Variants in PAX2 observed in about 807,000 individuals in gnomAD.
PAX2 encodes paired box protein Pax-2.
In PAX2, 9 loss-of-function variants were observed where a neutral mutation model predicts 41.7. That is an observed-to-expected ratio of 0.22 (90% CI 0.13 to 0.38). The LOEUF (loss-of-function observed/expected upper bound fraction) is 0.38. Among genes scored for constraint, PAX2 ranks in the 10% least tolerant of loss-of-function variants. The pLI is 1.00. For missense variants in PAX2, 418 were observed against 531.6 expected (o/e 0.79, Z 2.10); for synonymous variants, 221 against 212.7 (o/e 1.04, Z -0.34).
Position 100,781,383 on chromosome 10 carries a change from G to T in PAX2, c.616+18G>T. 3.1e-6 allele frequency: 5 copies of T among 1,613,530 alleles called. No individual in the cohort carries two copies. Among genetic ancestry groups the T allele is most frequent in the Non-Finnish European group, 4.2e-6 (5 of 1,179,460 alleles). On this transcript the variant is annotated intron_variant, in intron 5 of 9. Coordinates refer to ENST00000355243, the MANE Select transcript of PAX2 (RefSeq NM_000278.5). ...TGATGAAGGTAGGGAGGAGGGAAGA[G>T]GTGTGGCTTCCCCTTCACATGCTTT...
chr10:100,820,583 G>A (rs143066116), intron 7 of PAX2, among the ~76,000 whole-genome samples: 7 of 152,316 alleles, frequency 4.6e-5, no homozygotes, highest in Non-Finnish European at 5.9e-5. Context: ...GACGGGCATG[G>A]TGGCACACAA....
Position 100,745,880 on chromosome 10 carries a change from G to A in PAX2, c.-381G>A, listed in dbSNP as rs1845144495. On this transcript the variant is annotated 5_prime_UTR_variant, in exon 1 of 10. Coordinates refer to ENST00000355243, the MANE Select transcript of PAX2 (RefSeq NM_000278.5). ...GCGCGCTCTCCGACCACCGCCTCTCGGATGACCAGGTTCCAGGGGAGCTGA... is the reference window on the plus strand; with the variant it reads ...GCGCGCTCTCCGACCACCGCCTCTCAGATGACCAGGTTCCAGGGGAGCTGA... 9.3e-7 allele frequency: 1 copy of A among 1,070,986 alleles called. No individual in the cohort carries two copies. The highest frequency in any genetic ancestry group is 1.7e-5 in the African/African-American group (1 of 58,186). 66.3% of individuals were successfully genotyped at this position (1,070,986 alleles called of 1,614,324 possible). A position where few individuals can be genotyped will look rare whatever the true frequency, so the allele number is the denominator to read the frequency against.
chr10:100,792,935 T>C (rs924159252), intron 5 of PAX2, among the ~76,000 whole-genome samples: 2 of 152,242 alleles, frequency 1.3e-5, no homozygotes, highest in African/African-American at 4.8e-5. Context: ...TAATGGCCTT[T>C]ACTGTCGCTC....
chr10:100,776,216 G>A (rs1057043015), intron 3 of PAX2, among the ~76,000 whole-genome samples: 8 of 152,088 alleles, frequency 5.3e-5, no homozygotes. Context: ...AACTTCTGAG[G>A]CAATAGTCTC....
intron 4 of PAX2, among the ~76,000 whole-genome samples, chr10:100,780,952 A>G (rs1052016527): frequency 1.3e-5 from 2 of 152,162 alleles, no homozygotes; most frequent in African/African-American, 2.4e-5. Context: ...ATCCGTCTTT[A>G]GGAGAGTGAG....
rs766547055 is a variant in PAX2, at chr10:100,827,111, G to A, written c.1108+16G>A. 6.2e-7 allele frequency: 1 copy of A among 1,600,448 alleles called. No individual in the cohort carries two copies. The highest frequency in any genetic ancestry group is 8.6e-7 in the Non-Finnish European group (1 of 1,167,876). On this transcript the variant is annotated intron_variant, in intron 9 of 9. Transcript: ENST00000355243. The surrounding 1 kb of genome is among the most constrained non-coding windows in gnomAD (Gnocchi z 8.5). ...GCCTTACTAAGTGAGTACGCCACCT[G>A]GCTGGCCGGCGGCTCAGCGCGGCCG...
chr10:100,736,138 G>A (rs1315630975), intron 1 of PAX2, among the ~76,000 whole-genome samples: 1 of 152,134 alleles, frequency 6.6e-6, no homozygotes, highest in Non-Finnish European at 1.5e-5. Context: ...GCCAGTGGGT[G>A]GGGAAACTCT....
intron 5 of PAX2, among the ~76,000 whole-genome samples, chr10:100,800,002 G>A (rs931716780): frequency 2.0e-5 from 3 of 151,830 alleles, no homozygotes; most frequent in Non-Finnish European, 4.4e-5. Context: ...GGCCAGGCTG[G>A]TCTCGAATTC....
At chr10:100,749,337 T>C in intron 1 of PAX2, 1 of 1,010,882 alleles carries the variant, frequency 9.9e-7, no homozygotes, top group Non-Finnish European at 1.2e-6. Flanking sequence ...CCGGGTTGCC[T>C]GCGGCGCAGG....
chr10:100,768,672 T>C (rs776146761), intron 3 of PAX2, among the ~76,000 whole-genome samples: 7 of 152,150 alleles, frequency 4.6e-5, no homozygotes, highest in Non-Finnish European at 8.8e-5. Context: ...TAAATATATA[T>C]ATAAATTTCC....
chr10:100,816,362 C>A (rs1848184448), intron 7 of PAX2, among the ~76,000 whole-genome samples: 1 of 152,172 alleles, frequency 6.6e-6, no homozygotes, highest in Admixed American at 6.5e-5. Context: ...CAGGGGAATT[C>A]TCCAAAAAAG....
upstream of PAX2, among the ~76,000 whole-genome samples, chr10:100,744,796 C>T (rs962039463): frequency 1.3e-5 from 2 of 152,220 alleles, no homozygotes; most frequent in African/African-American, 2.4e-5. Flanking sequence ...GGGTACTCGC[C>T]GGAGGTCTTC....
intron 5 of PAX2, among the ~76,000 whole-genome samples, chr10:100,794,971 A>G (rs530230121): frequency 1.3e-5 from 2 of 152,292 alleles, no homozygotes; most frequent in Admixed American, 6.5e-5. Context: ...TGTCTTCTAT[A>G]TCATCATCCA....
At chr10:100,804,979 CTCTCTCTCTCTCTCTCTCCT>C (rs1847709586) in intron 5 of PAX2, among the ~76,000 whole-genome samples, 1 of 146,050 alleles carries the variant, frequency 6.8e-6, no homozygotes, top group African/African-American at 2.5e-5. Flanking sequence ...CTCTCTCCTT[CTCTCTCTCTCTCTCTCTCCT>C]TCTCTCTCTC....
intron 3 of PAX2, among the ~76,000 whole-genome samples, chr10:100,756,609 G>C (rs1029608835): frequency 2.6e-5 from 4 of 152,180 alleles, no homozygotes; most frequent in Admixed American, 2.6e-4. Context: ...GACCTATGAT[G>C]TTCCATAGAT....
At chr10:100,758,023 A>AT (rs766271094) in intron 3 of PAX2, among the ~76,000 whole-genome samples, 12 of 152,174 alleles carry the variant, frequency 7.9e-5, no homozygotes, top group Non-Finnish European at 1.8e-4. Context: ...CATGGGAGAA[A>AT]TGAGGCCCTT....
intron 3 of PAX2, among the ~76,000 whole-genome samples, chr10:100,771,475 G>A (rs1054297371): frequency 2.0e-5 from 3 of 152,358 alleles, no homozygotes; most frequent in South Asian, 2.1e-4. Context: ...AGGAAGCCAC[G>A]TGCAGGAGAG....
intron 6 of PAX2, among the ~76,000 whole-genome samples, chr10:100,807,046 C>T (rs528740724): frequency 3.9e-5 from 6 of 152,160 alleles, no homozygotes; most frequent in African/African-American, 1.4e-4. Context: ...GCTCTCCTTG[C>T]CCAGTGTCAG....
chr10:100,760,924 C>T (rs1199421544), intron 3 of PAX2, among the ~76,000 whole-genome samples: 7 of 152,188 alleles, frequency 4.6e-5, no homozygotes, highest in African/African-American at 1.7e-4. Flanking sequence ...CTAGGGCAGG[C>T]AGCCTGCCGA....
Sources: allele counts gnomAD v4.1 joint callset (sites outside exome capture counted in the v4.1 genomes callset), GRCh38; gene constraint gnomAD v4.1.1; non-coding constraint Gnocchi (gnomAD v3.1); transcripts MANE v1.5; gene names NCBI Gene and HGNC (gene_info 2026-07-23, HGNC 2026-07-21).